Variants in MTNR1A observed in about 807,000 individuals in gnomAD.
The protein encoded by MTNR1A is melatonin receptor 1A.
In MTNR1A, 7 loss-of-function variants were observed where a neutral mutation model predicts 5.5. That is an observed-to-expected ratio of 1.28 (90% CI 0.73 to 2.40). The LOEUF (loss-of-function observed/expected upper bound fraction) is 2.40. Among genes scored for constraint, MTNR1A ranks in the 30% most tolerant of loss-of-function variants. MTNR1A has a pLI of 0.00. For synonymous variants in MTNR1A, 196 were observed against 202.7 expected (o/e 0.97, Z 0.28); for missense variants, 441 against 464.4 (o/e 0.95, Z 0.46).
chr4:186,535,302 T>C (rs1736820942), intron 1 of MTNR1A, among the ~76,000 whole-genome samples: 1 of 152,162 alleles, frequency 6.6e-6, no homozygotes, highest in African/African-American at 2.4e-5. Context: ...TTCTCTTAGA[T>C]CTTATAAAGA....
At chr4:186,550,326 T>C (rs989883039) in intron 1 of MTNR1A, among the ~76,000 whole-genome samples, 3 of 152,208 alleles carry the variant, frequency 2.0e-5, no homozygotes, top group African/African-American at 7.2e-5. Flanking sequence ...TTTTTGGTAC[T>C]AGAAAACTCT....
At chr4:186,549,399 A>G (rs575384851) in intron 1 of MTNR1A, among the ~76,000 whole-genome samples, 8 of 152,314 alleles carry the variant, frequency 5.3e-5, no homozygotes, top group Non-Finnish European at 1.2e-4. Context: ...GTTCTTCACT[A>G]ATAGTTATGC....
rs750670225 is a variant in MTNR1A at position 186,534,115 on chromosome 4, T to C, written c.627A>G (p.Arg209=). Residue 209 remains arginine (R), a synonymous_variant, in exon 2 of 2, where the codon AGA becomes AGG. Coordinates refer to ENST00000307161, the MANE Select transcript of MTNR1A (RefSeq NM_005958.4). Reference sequence around the variant, plus strand: ...TGACCTGGAGAACCAGGATCCATATTCTCAGGTAACAGAAGATGACTATGA... The same window carrying C: ...TGACCTGGAGAACCAGGATCCATATCCTCAGGTAACAGAAGATGACTATGA... ...PMIIVIFCYL[R]IWILVLQVRQ... 1 of 1,613,986 alleles carries C rather than the reference T, an allele frequency of 6.2e-7. No individual in the cohort carries two copies.
chr4:186,547,094 T>C (rs1424994353), intron 1 of MTNR1A, among the ~76,000 whole-genome samples: 428 of 10,070 alleles, frequency 0.043, 139 homozygotes, highest in Middle Eastern at 0.11. Flanking sequence ...CACACCGTCC[T>C]CACACCCTGT....
At chr4:186,545,402 C>A (rs1250135164) in intron 1 of MTNR1A, among the ~76,000 whole-genome samples, 2 of 152,296 alleles carry the variant, frequency 1.3e-5, no homozygotes, top group African/African-American at 4.8e-5. Flanking sequence ...ATTCGCACAG[C>A]CGTCTGTCTC....
rs999019702 is a variant in MTNR1A, at chr4:186,555,161, G to C, written c.184+21C>G. On this transcript the variant is annotated intron_variant, in intron 1 of 1. Transcript: ENST00000307161. The surrounding 1 kb of genome is among the most constrained non-coding windows in gnomAD (Gnocchi z 4.1). ...CGCTGCGTCCGGAGCGCTGGCCCAGGGGAGGCGGCGCGGGCCCTACCTGCG... is the reference window on the plus strand; with the variant it reads ...CGCTGCGTCCGGAGCGCTGGCCCAGCGGAGGCGGCGCGGGCCCTACCTGCG... 1.3e-6 allele frequency: 2 copies of C among 1,583,512 alleles called. No homozygotes were observed. The highest frequency in any genetic ancestry group is 1.3e-5 in the African/African-American group (1 of 74,402).
chr4:186,534,094 C>A lies in MTNR1A; in HGVS notation c.648G>T (p.Gln216His), dbSNP rs1320584576. 1 of 1,614,122 alleles carries A rather than the reference C, an allele frequency of 6.2e-7. No homozygotes were observed. Among genetic ancestry groups the A allele is most frequent in the Admixed American group, 1.7e-5 (1 of 60,008 alleles). Residue 216 changes from glutamine to histidine, a missense_variant, in exon 2 of 2, where the codon CAG (glutamine) becomes CAT (histidine). Coordinates refer to ENST00000307161, the MANE Select transcript of MTNR1A (RefSeq NM_005958.4). ...GGTCAGGTTTCACCCTCTGTCTGAC[C>A]TGGAGAACCAGGATCCATATTCTCA... ...CYLRIWILVLQVRQRVKPDRK... is the reference protein window; with the variant it reads ...CYLRIWILVLHVRQRVKPDRK...
chr4:186,536,175 G>A (rs1056094744), intron 1 of MTNR1A, among the ~76,000 whole-genome samples: 2 of 151,674 alleles, frequency 1.3e-5, no homozygotes, highest in African/African-American at 4.8e-5. Flanking sequence ...GTGACACCCC[G>A]TCTCTACTAA....
At chr4:186,538,476 G>A (rs73873636) in intron 1 of MTNR1A, among the ~76,000 whole-genome samples, 4,778 of 152,170 alleles carry the variant, frequency 0.031, 249 homozygotes, top group African/African-American at 0.11. Context: ...TGCCCTGCAG[G>A]GGGTGGGTGA....
chr4:186,534,290 A>T lies in MTNR1A; in HGVS notation c.452T>A (p.Ile151Lys), dbSNP rs1394749867. The T allele has an allele frequency of 6.2e-7, 1 of 1,614,156 alleles. No homozygotes were observed. The highest frequency in any genetic ancestry group is 1.7e-5 in the Admixed American group (1 of 60,012). Reference sequence around the variant, plus strand: ...GACGGCCGCCAGCGTCAGGAGCCATATGAGGAGCACGTAGCAGAGGGAGTT... The same window carrying T: ...GACGGCCGCCAGCGTCAGGAGCCATTTGAGGAGCACGTAGCAGAGGGAGTT... ...SKNSLCYVLL[I>K]WLLTLAAVLP... The change falls in exon 2 of 2, where the codon ATA becomes AAA. Residue 151 changes from isoleucine to lysine, a missense_variant. Transcript: ENST00000307161.
At position 186,534,497 on chromosome 4, in the gene MTNR1A, G is replaced by T; in HGVS notation, c.245C>A (p.Pro82Gln). 6.2e-7 allele frequency: 1 copy of T among 1,614,004 alleles called. No homozygotes were observed. The highest frequency in any genetic ancestry group is 8.5e-7 in the Non-Finnish European group (1 of 1,180,010). ...GTTAAATATCGACATCAGCACCAAC[G>T]GGTACGGATAAATGGCCACCACCAG... Reference protein sequence around the residue: ...ADLVVAIYPYPLVLMSIFNNG... With the variant: ...ADLVVAIYPYQLVLMSIFNNG... The change falls in exon 2 of 2, where the codon CCG (proline) becomes CAG (glutamine). Residue 82 changes from proline (P) to glutamine (Q), a missense_variant. Transcript: ENST00000307161.
Position 186,555,409 on chromosome 4 carries a change from TCCGC to T in MTNR1A, c.-48_-45del. On this transcript the variant is annotated 5_prime_UTR_variant, in exon 1 of 2. Transcript: ENST00000307161. The surrounding 1 kb of genome is among the most constrained non-coding windows in gnomAD (Gnocchi z 4.1). ...GGCCGCGGGGCCATCGCCCGCCTCGTCCGCCCGCCCGACCACTTGTTAAGGCTCC... is the reference window on the plus strand; with the variant it reads ...GGCCGCGGGGCCATCGCCCGCCTCGTCCGCCCGACCACTTGTTAAGGCTCC... 30 of 1,344,814 alleles carry T rather than the reference TCCGC, an allele frequency of 2.2e-5. No homozygotes were observed. The highest frequency in any genetic ancestry group is 2.9e-5 in the Non-Finnish European group (30 of 1,046,572). 83.3% of individuals were successfully genotyped at this position (1,344,814 alleles called of 1,614,324 possible).
At chr4:186,535,389 G>GAA (rs397731233) in intron 1 of MTNR1A, among the ~76,000 whole-genome samples, 33,605 of 148,484 alleles carry the variant, frequency 0.23, 4,373 homozygotes, top group East Asian at 0.62. Flanking sequence ...TTTAATTACA[G>GAA]AAAAAAAAAA....
chr4:186,551,038 A>G (rs1413743218), intron 1 of MTNR1A, among the ~76,000 whole-genome samples: 2 of 152,258 alleles, frequency 1.3e-5, no homozygotes, highest in Admixed American at 6.5e-5. Flanking sequence ...AAGCAACAGG[A>G]GGGAAACTAC....
At chr4:186,542,784 C>T (rs542613407) in intron 1 of MTNR1A, among the ~76,000 whole-genome samples, 2 of 152,260 alleles carry the variant, frequency 1.3e-5, no homozygotes, top group African/African-American at 4.8e-5. Context: ...GGGAGCAATG[C>T]TTCCACCAGG....
At chr4:186,534,790 T>C (rs1736808578) in intron 1 of MTNR1A, among the ~76,000 whole-genome samples, 1 of 152,164 alleles carries the variant, frequency 6.6e-6, no homozygotes, top group African/African-American at 2.4e-5. Context: ...GCCTGTTCCA[T>C]GTTCAAAACT....
rs1053533928 is a variant in MTNR1A at position 186,534,464 on chromosome 4, C to T, written c.278G>A (p.Trp93Ter). The T allele has an allele frequency of 6.2e-7, 1 of 1,614,164 alleles. No homozygotes were observed. Among genetic ancestry groups the T allele is most frequent in the Non-Finnish European group, 8.5e-7 (1 of 1,180,036 alleles). Residue 93 changes from tryptophan to a stop codon, truncating the protein, a stop_gained, in exon 2 of 2, where the codon TGG becomes TAG. Transcript: ENST00000307161. LOFTEE classifies it low-confidence loss of function (END_TRUNC). ...TTGGCAGTGCAGATAGCCCAGGTTCCACCCGTTGTTAAATATCGACATCAG... is the reference window on the plus strand; with the variant it reads ...TTGGCAGTGCAGATAGCCCAGGTTCTACCCGTTGTTAAATATCGACATCAG... ...LVLMSIFNNG[W>*]NLGYLHCQVS... is the part of the protein sequence containing the mutation.
intron 1 of MTNR1A, among the ~76,000 whole-genome samples, chr4:186,547,301 A>T (rs1353365176): frequency 7.6e-6 from 1 of 131,668 alleles, no homozygotes; most frequent in Non-Finnish European, 1.6e-5. Flanking sequence ...TGTTCATGGG[A>T]CACACCGTCC....
chr4:186,535,940 ACTG>A (rs1736839530), intron 1 of MTNR1A, among the ~76,000 whole-genome samples: 1 of 152,180 alleles, frequency 6.6e-6, no homozygotes, highest in African/African-American at 2.4e-5. Flanking sequence ...AGCACTTTAT[ACTG>A]CTTTTTACTC....
Sources: allele counts gnomAD v4.1 joint callset (sites outside exome capture counted in the v4.1 genomes callset), GRCh38; gene constraint gnomAD v4.1.1; non-coding constraint Gnocchi (gnomAD v3.1); transcripts MANE v1.5; gene names NCBI Gene and HGNC (gene_info 2026-07-23, HGNC 2026-07-21).